IQCJ: variants seen among roughly 807,000 people sequenced by gnomAD.
IQCJ encodes IQ domain-containing protein J.
In IQCJ, 9 loss-of-function variants were observed where a neutral mutation model predicts 11.0. The ratio of observed to expected loss-of-function variants is 0.82; its 90% CI spans 0.49 to 1.43. The LOEUF (loss-of-function observed/expected upper bound fraction) is 1.43, where lower values mean the gene tolerates loss of function less well. Among genes scored for constraint, IQCJ ranks in the 40% most tolerant of loss-of-function variants. IQCJ has a pLI of 0.00. For synonymous variants in IQCJ, 55 were observed against 51.3 expected, an observed-to-expected ratio of 1.07 and a Z score of -0.31; for missense variants, 146 against 133.2, an observed-to-expected ratio of 1.10 and a Z score of -0.47.
intron 1 of IQCJ, among the ~76,000 whole-genome samples, chr3:159,217,163 A>G (rs2595259): frequency 0.74 from 112,046 of 152,054 alleles, 41,598 homozygotes; most frequent in Middle Eastern, 0.79. Context: ...ATCTGTCGAT[A>G]TTAAGATTTA....
intron 1 of IQCJ, among the ~76,000 whole-genome samples, chr3:159,219,723 T>C (rs1446895897): frequency 6.6e-6 from 1 of 152,132 alleles, no homozygotes; most frequent in Non-Finnish European, 1.5e-5. Flanking sequence ...GTCTTAACAA[T>C]ATGGAGGGGC....
At chr3:159,071,439 G>C (rs910059438) in intron 1 of IQCJ, among the ~76,000 whole-genome samples, 3 of 151,702 alleles carry the variant, frequency 2.0e-5, no homozygotes, top group Non-Finnish European at 4.4e-5. Context: ...TCTTAATGAA[G>C]GTTTTAAATT....
intron 1 of IQCJ, among the ~76,000 whole-genome samples, chr3:159,130,469 T>C (rs925456951): frequency 1.3e-5 from 2 of 152,270 alleles, no homozygotes; most frequent in Admixed American, 6.5e-5. Context: ...ATATTTGACA[T>C]AGAGCAACTA....
intron 3 of IQCJ, among the ~76,000 whole-genome samples, chr3:159,259,961 A>G (rs1256444860): frequency 6.6e-6 from 1 of 152,212 alleles, no homozygotes; most frequent in African/African-American, 2.4e-5. Flanking sequence ...TAAATATTAC[A>G]AAAAAACAGC....
chr3:159,203,290 G>A (rs1560024186), intron 1 of IQCJ, among the ~76,000 whole-genome samples: 1 of 149,446 alleles, frequency 6.7e-6, no homozygotes, highest in Non-Finnish European at 1.5e-5. Flanking sequence ...GGAGAGTGTG[G>A]TCTGTGAGGT....
At chr3:159,219,181 T>C (rs938145218) in intron 1 of IQCJ, among the ~76,000 whole-genome samples, 1 of 152,152 alleles carries the variant, frequency 6.6e-6, no homozygotes, top group Non-Finnish European at 1.5e-5. Flanking sequence ...CTCTGTTTAC[T>C]AGAACCTTAC....
chr3:159,244,442 C>A (rs1727125931), intron 1 of IQCJ, among the ~76,000 whole-genome samples: 9 of 152,194 alleles, frequency 5.9e-5, no homozygotes, highest in Admixed American at 5.9e-4. Context: ...AAGAGGACTG[C>A]AGGGGAGAAG....
At chr3:159,160,589 A>T (rs1324128525) in intron 1 of IQCJ, among the ~76,000 whole-genome samples, 1 of 151,900 alleles carries the variant, frequency 6.6e-6, no homozygotes, top group Non-Finnish European at 1.5e-5. Flanking sequence ...TGTGCAGGTT[A>T]GTTACATATG....
At position 159,082,072 on chromosome 3, in the gene IQCJ, G is replaced by C. The variant is rs181847147; in HGVS notation, c.9+12631G>C. Among the ~76,000 whole-genome samples the C allele has an allele frequency of 9.1e-4, 139 of 152,126 alleles. No homozygotes were observed. In the Middle Eastern group the frequency reaches 0.01, roughly 11 times the overall value. On this transcript the variant is annotated intron_variant, in intron 1 of 3. Coordinates refer to ENST00000397832, the MANE Select transcript of IQCJ (RefSeq NM_001042706.3). ...TGTATTGGCTTATTAAATTTGAACA[G>C]CCAATTTAGTTCAAATGTTCATCAA...
chr3:159,179,065 C>A (rs1722949225), intron 1 of IQCJ, among the ~76,000 whole-genome samples: 1 of 152,088 alleles, frequency 6.6e-6, no homozygotes, highest in South Asian at 2.1e-4. Flanking sequence ...GCAACAGACA[C>A]CACACTCTCT....
At position 159,200,246 on chromosome 3, in the gene IQCJ, G is replaced by A. The variant is rs79577999; in HGVS notation, c.10-45597G>A. Among the ~76,000 whole-genome samples, 1,013 of 151,638 alleles carry A rather than the reference G, an allele frequency of 6.7e-3. 7 individuals are homozygous for A. Among genetic ancestry groups the A allele is most frequent in the African/African-American group, 0.023 (963 of 41,242 alleles). On this transcript the variant is annotated intron_variant, in intron 1 of 3. Transcript: ENST00000397832. Reference sequence around the variant, plus strand: ...GCTGGTTATTGGCACAGCCAGAGCCGGTATCCAGATGTCTTATCTCTTGAT... The same window carrying A: ...GCTGGTTATTGGCACAGCCAGAGCCAGTATCCAGATGTCTTATCTCTTGAT...
intron 1 of IQCJ, among the ~76,000 whole-genome samples, chr3:159,101,540 T>G (rs985214995): frequency 6.6e-6 from 1 of 152,214 alleles, no homozygotes; most frequent in Non-Finnish European, 1.5e-5. Flanking sequence ...ATCATCCCCA[T>G]GTGTTTCATT....
intron 1 of IQCJ, among the ~76,000 whole-genome samples, chr3:159,158,126 A>G (rs1403457018): frequency 1.3e-5 from 2 of 152,240 alleles, no homozygotes; most frequent in Non-Finnish European, 2.9e-5. Flanking sequence ...TTATATGTGC[A>G]ATTTTCTTTT....
At chr3:159,253,888 A>G (rs1727746060) in intron 3 of IQCJ, among the ~76,000 whole-genome samples, 1 of 152,218 alleles carries the variant, frequency 6.6e-6, no homozygotes, top group Non-Finnish European at 1.5e-5. Flanking sequence ...GCAAATACCA[A>G]TACATACCCC....
chr3:159,143,041 T>C (rs984597350), intron 1 of IQCJ, among the ~76,000 whole-genome samples: 1 of 152,224 alleles, frequency 6.6e-6, no homozygotes, highest in African/African-American at 2.4e-5. Context: ...GCAAACTGCT[T>C]TGTGTATGTT....
At chr3:159,083,241 T>C in intron 1 of IQCJ, among the ~76,000 whole-genome samples, 1 of 152,118 alleles carries the variant, frequency 6.6e-6, no homozygotes, top group South Asian at 2.1e-4. Flanking sequence ...CTAGAATATA[T>C]ACAATGAACT....
chr3:159,083,854 T>C (rs972431156), intron 1 of IQCJ, among the ~76,000 whole-genome samples: 1 of 151,860 alleles, frequency 6.6e-6, no homozygotes, highest in African/African-American at 2.4e-5. Flanking sequence ...ATTCTTGGAG[T>C]GACAAAATTA....
At chr3:159,090,689 A>T (rs1717208556) in intron 1 of IQCJ, among the ~76,000 whole-genome samples, 1 of 151,850 alleles carries the variant, frequency 6.6e-6, no homozygotes, top group Non-Finnish European at 1.5e-5. Context: ...AGGGCTGTGG[A>T]GAGCGTACAG....
At chr3:159,218,812 G>A (rs932353615) in intron 1 of IQCJ, among the ~76,000 whole-genome samples, 5 of 152,086 alleles carry the variant, frequency 3.3e-5, no homozygotes, top group Non-Finnish European at 5.9e-5. Context: ...TGATCTCACA[G>A]TCCCGAAAGT....
Sources: allele counts gnomAD v4.1 joint callset (sites outside exome capture counted in the v4.1 genomes callset), GRCh38; gene constraint gnomAD v4.1.1; transcripts MANE v1.5; gene names NCBI Gene and HGNC (gene_info 2026-07-23, HGNC 2026-07-21).